Variants in DCAF4 observed in about 807,000 individuals in gnomAD.
The protein encoded by DCAF4 is DDB1- and CUL4-associated factor 4.
A neutral mutation model predicts 60.9 loss-of-function variants in DCAF4; 37 were observed. The observed-to-expected ratio is 0.61, with a 90% CI of 0.47 to 0.80. The LOEUF (loss-of-function observed/expected upper bound fraction) is 0.80, where lower values mean the gene tolerates loss of function less well. Among genes scored for constraint, DCAF4 ranks in the 30% least tolerant of loss-of-function variants. The pLI is 0.00. For synonymous variants in DCAF4, 243 were observed against 254.8 expected (o/e 0.95, Z 0.44); for missense variants, 577 against 650.0 (o/e 0.89, Z 1.22).
Position 72,929,650 on chromosome 14 carries a change from G to C in DCAF4, c.-9+3107G>C, listed in dbSNP as rs1346606028. 3.8e-6 allele frequency: 5 copies of C among 1,326,658 alleles called. No homozygotes were observed. In the Admixed American group the frequency reaches 5.7e-5, roughly 15 times the overall value. The allele number at this position is 1,326,658 out of a possible 1,614,324, so 82.2% of individuals were successfully genotyped here. A position where few individuals can be genotyped will look rare whatever the true frequency, so the allele number is the denominator to read the frequency against. Reference sequence around the variant, plus strand: ...GCAGCGGCTTTCCTCATGGCAGCCAGTACCTTGCTCAGCTCCTCCCGCTTC... The same window carrying C: ...GCAGCGGCTTTCCTCATGGCAGCCACTACCTTGCTCAGCTCCTCCCGCTTC... On this transcript the variant is annotated intron_variant, in intron 1 of 13. Coordinates refer to ENST00000358377, the MANE Select transcript of DCAF4 (RefSeq NM_015604.4).
At chr14:72,939,694 A>G in intron 2 of DCAF4, 108 bp from the exon 3 acceptor site, 1 of 809,516 alleles carries the variant, frequency 1.2e-6, no homozygotes, top group Non-Finnish European at 1.9e-6. Flanking sequence ...GAAAGGTCAG[A>G]GATCAGAGGT....
At chr14:72,940,493 G>T (rs1322220263) in intron 4 of DCAF4, 116 bp downstream of exon 4, 19 of 1,112,068 alleles carry the variant, frequency 1.7e-5, no homozygotes, top group Non-Finnish European at 2.1e-5. Context: ...AGGCACTTCA[G>T]GGGGTGTGGC....
At chr14:72,929,528 C>A (rs1471889406) in intron 1 of DCAF4, 1 of 759,246 alleles carries the variant, frequency 1.3e-6, no homozygotes, top group Non-Finnish European at 2.2e-6. Context: ...AGCGAGACCC[C>A]GTCTCTACAA....
downstream of DCAF4, among the ~76,000 whole-genome samples, chr14:72,960,258 T>C (rs1159506605): frequency 1.3e-5 from 2 of 151,944 alleles, no homozygotes; most frequent in Non-Finnish European, 2.9e-5. Flanking sequence ...CTAGTGATTC[T>C]CCTGCCTCAG....
intron 11 of DCAF4, among the ~76,000 whole-genome samples, 160 bp downstream of exon 11, chr14:72,954,643 G>T (rs58637962): frequency 3.3e-5 from 5 of 152,230 alleles, no homozygotes; most frequent in African/African-American, 1.2e-4. Flanking sequence ...TGTCTGAGCC[G>T]AGTGAAAGTT....
chr14:72,955,631 G>T lies in DCAF4; in HGVS notation c.1114G>T (p.Ala372Ser). Residue 372 changes from alanine to serine, a missense_variant, in exon 12 of 14, where the codon GCA becomes TCA. Physicochemically the swap from Ala to Ser is moderately conservative, Grantham distance 99. Coordinates refer to ENST00000358377, the MANE Select transcript of DCAF4 (RefSeq NM_015604.4). ...GGCCACCCGCCTGTTTCATGATTCA[G>T]CAGTGACCTCTGTGCGGATCCTCCA... is the stretch of plus-strand genomic sequence containing the variant. ...WKATRLFHDS[A>S]VTSVRILQDE... The T allele has an allele frequency of 6.2e-7, 1 of 1,614,180 alleles. No individual in the cohort carries two copies. Among genetic ancestry groups the T allele is most frequent in the Non-Finnish European group, 8.5e-7 (1 of 1,180,022 alleles).
At chr14:72,960,004 A>T (rs1371761636), downstream of DCAF4, among the ~76,000 whole-genome samples, 1 of 152,188 alleles carries the variant, frequency 6.6e-6, no homozygotes, top group Non-Finnish European at 1.5e-5. Context: ...GCCGGGTTCC[A>T]GCAACTCTTC....
chr14:72,949,213 C>CTGAGG (rs1891106018), intron 8 of DCAF4, among the ~76,000 whole-genome samples: 1 of 152,092 alleles, frequency 6.6e-6, no homozygotes, highest in African/African-American at 2.4e-5. Context: ...TTTTGGGAGG[C>CTGAGG]CAAAGTTGGG....
intron 1 of DCAF4, among the ~76,000 whole-genome samples, chr14:72,927,241 A>G (rs1050451253): frequency 6.6e-6 from 1 of 152,108 alleles, no homozygotes; most frequent in African/African-American, 2.4e-5. Flanking sequence ...CAGCGCAGCC[A>G]GAAGCAAAGA....
intron 1 of DCAF4, among the ~76,000 whole-genome samples, chr14:72,932,131 G>A (rs569563333): frequency 2.6e-5 from 4 of 152,034 alleles, no homozygotes; most frequent in African/African-American, 9.6e-5. Flanking sequence ...TGAGACTACA[G>A]GTGTGCACCA....
intron 1 of DCAF4, among the ~76,000 whole-genome samples, chr14:72,928,100 T>C (rs764787093): frequency 1.0e-4 from 15 of 149,980 alleles, no homozygotes; most frequent in Admixed American, 2.0e-4. Flanking sequence ...CGCCCTGGCC[T>C]GTAGAAGCTA....
chr14:72,943,080 G>A lies in DCAF4; in HGVS notation c.518G>A (p.Arg173Gln). 6.2e-7 allele frequency: 1 copy of A among 1,614,160 alleles called. No individual in the cohort carries two copies. The highest frequency in any genetic ancestry group is 8.5e-7 in the Non-Finnish European group (1 of 1,179,996). ...GATCCCTCCGCCTTGGCAAGCGACCGATTTAACCTCATACTGGTGAGTGGG... is the reference window on the plus strand; with the variant it reads ...GATCCCTCCGCCTTGGCAAGCGACCAATTTAACCTCATACTGGTGAGTGGG... ...SMDPSALASDRFNLILADTNS... is the reference protein window; with the variant it reads ...SMDPSALASDQFNLILADTNS... Residue 173 changes from arginine to glutamine, a missense_variant, in exon 6 of 14, where the codon CGA becomes CAA. Arg to Gln is a conservative substitution (Grantham distance 43, BLOSUM62 1). Coordinates refer to ENST00000358377, the MANE Select transcript of DCAF4 (RefSeq NM_015604.4).
At chr14:72,939,681 T>G in intron 2 of DCAF4, 121 bp from the exon 3 acceptor site, 1 of 715,598 alleles carries the variant, frequency 1.4e-6, no homozygotes, top group South Asian at 2.3e-5. Flanking sequence ...TCTCAAGTAA[T>G]CAGAAAGGTC....
intron 9 of DCAF4, among the ~76,000 whole-genome samples, chr14:72,953,709 TAAAAAA>T (rs778771457): frequency 0.029 from 291 of 9,954 alleles, 2 homozygotes; most frequent in South Asian, 0.038. Flanking sequence ...GACCCTGTCT[TAAAAAA>T]AAAAAAAAAA....
At chr14:72,953,732 A>AAATATATATAT (rs1555527852) in intron 9 of DCAF4, among the ~76,000 whole-genome samples, 1 of 21,778 alleles carries the variant, frequency 4.6e-5, no homozygotes, top group African/African-American at 2.3e-4. Flanking sequence ...AAAAAAAAAA[A>AAATATATATAT]ATATATATAT....
chr14:72,929,603 G>T lies in DCAF4; in HGVS notation c.-9+3060G>T, dbSNP rs568853252. On this transcript the variant is annotated intron_variant, in intron 1 of 13. Coordinates refer to ENST00000358377, the MANE Select transcript of DCAF4 (RefSeq NM_015604.4). The stretch of plus-strand genomic sequence containing the variant: ...TTCTTTATTTCAGGAAGAGGGCAGG[G>T]GAGGGGGCTCAGTCTTTCTTGGCAG... The T allele has an allele frequency of 1.2e-5, 12 of 1,026,120 alleles. No homozygotes were observed. The Middle Eastern group carries it at 8.9e-4, about 76-fold the overall frequency. 63.6% of individuals were successfully genotyped at this position (1,026,120 alleles called of 1,614,324 possible).
intron 8 of DCAF4, among the ~76,000 whole-genome samples, 172 bp from the exon 9 acceptor site, chr14:72,951,625 CA>C (rs375118905): frequency 5.4e-5 from 8 of 147,376 alleles, no homozygotes; most frequent in Non-Finnish European, 9.0e-5. Context: ...AACAAACAAA[CA>C]AAAAAAAAAC....
intron 5 of DCAF4, 81 bp downstream of exon 5, chr14:72,941,905 C>A: frequency 1.4e-6 from 2 of 1,459,842 alleles, no homozygotes; most frequent in Non-Finnish European, 1.9e-6. Flanking sequence ...AGAATCCAGT[C>A]TGGATAGACC....
chr14:72,941,902 A>G, intron 5 of DCAF4, 78 bp downstream of exon 5: 1 of 1,485,182 alleles, frequency 6.7e-7, no homozygotes, highest in South Asian at 1.2e-5. Context: ...ATAAGAATCC[A>G]GTCTGGATAG....
Sources: gnomAD v4.1 joint callset for allele counts (sites outside exome capture counted in the v4.1 genomes callset) on GRCh38, gnomAD v4.1.1 for gene constraint, MANE v1.5 for transcripts, NCBI Gene and HGNC (gene_info 2026-07-23, HGNC 2026-07-21) for gene names.